The following PRKG1 variants were observed in gnomAD, a reference collection of about 807,000 sequenced individuals.
The protein encoded by PRKG1 is cGMP-dependent protein kinase 1.
Under a neutral mutation model 88.1 loss-of-function variants are expected in PRKG1, and 35 were observed. The ratio of observed to expected loss-of-function variants is 0.40; its 90% confidence interval spans 0.30 to 0.53. The LOEUF (loss-of-function observed/expected upper bound fraction) is 0.53, where lower values mean the gene tolerates loss of function less well. PRKG1 is among the 20% of genes least tolerant of loss of function. The pLI, the probability that PRKG1 is intolerant of heterozygous loss-of-function variation, is 0.59. For missense variants in PRKG1, 540 were observed against 839.8 expected (o/e 0.64, Z 4.41); for synonymous variants, 303 against 292.5 (o/e 1.04, Z -0.37).
intron 7 of PRKG1, among the ~76,000 whole-genome samples, chr10:52,103,532 T>C (rs10824038): frequency 0.059 from 8,974 of 152,232 alleles, 523 homozygotes; most frequent in East Asian, 0.36. Context: ...ATTTTTTCTC[T>C]AGCTTACTTT....
intron 3 of PRKG1, among the ~76,000 whole-genome samples, chr10:51,629,232 GTGT>G (rs1011939124): frequency 6.6e-6 from 1 of 152,086 alleles, no homozygotes; most frequent in Non-Finnish European, 1.5e-5. Context: ...CTCTAAAGCA[GTGT>G]TCCCCAACCT....
intron 2 of PRKG1, among the ~76,000 whole-genome samples, chr10:51,444,209 G>T (rs1336490879): frequency 6.6e-6 from 1 of 151,378 alleles, no homozygotes; most frequent in Non-Finnish European, 1.5e-5. Context: ...AAATGGGCAG[G>T]GTCTGGGAAA....
intron 5 of PRKG1, among the ~76,000 whole-genome samples, chr10:52,037,602 A>C (rs1484713145): frequency 2.2e-4 from 33 of 152,154 alleles, no homozygotes; most frequent in Non-Finnish European, 3.8e-4. Context: ...ACGCTATCTG[A>C]TTTGGGATAA....
At chr10:52,267,115 A>G (rs1179672294) in intron 10 of PRKG1, among the ~76,000 whole-genome samples, 1 of 152,134 alleles carries the variant, frequency 6.6e-6, no homozygotes, top group African/African-American at 2.4e-5. Flanking sequence ...TAATTTAGAC[A>G]ACAGGAAAAA....
chr10:51,071,995 G>A (rs1056363709), upstream of PRKG1, among the ~76,000 whole-genome samples: 1 of 152,106 alleles, frequency 6.6e-6, no homozygotes, highest in East Asian at 1.9e-4. Context: ...TCAAGAGATC[G>A]AGAACATCCT....
At chr10:52,258,702 C>T (rs1433644177) in intron 10 of PRKG1, among the ~76,000 whole-genome samples, 1 of 151,970 alleles carries the variant, frequency 6.6e-6, no homozygotes, top group Non-Finnish European at 1.5e-5. Flanking sequence ...TGATTCCTGC[C>T]CTCAAGGAAT....
intron 1 of PRKG1, among the ~76,000 whole-genome samples, chr10:51,137,775 A>C (rs1457646660): frequency 1.3e-5 from 2 of 152,222 alleles, no homozygotes; most frequent in African/African-American, 4.8e-5. Flanking sequence ...TGACAAGTTC[A>C]GAATGACAAG....
intron 1 of PRKG1, among the ~76,000 whole-genome samples, chr10:51,097,627 T>C (rs1177135674): frequency 1.3e-5 from 2 of 152,156 alleles, no homozygotes; most frequent in Non-Finnish European, 2.9e-5. Flanking sequence ...CTCCTTTCCG[T>C]AGGGTTTTTC....
intron 3 of PRKG1, among the ~76,000 whole-genome samples, chr10:51,735,260 T>C (rs1837235337): frequency 6.6e-6 from 1 of 152,176 alleles, no homozygotes; most frequent in Non-Finnish European, 1.5e-5. Flanking sequence ...GAAAATTCCT[T>C]GCGCAGAGTT....
chr10:51,616,186 C>A (rs981989223), intron 3 of PRKG1, among the ~76,000 whole-genome samples: 1 of 152,172 alleles, frequency 6.6e-6, no homozygotes, highest in Non-Finnish European at 1.5e-5. Flanking sequence ...GGCCTGCAGG[C>A]CCCACTGGTG....
intron 5 of PRKG1, among the ~76,000 whole-genome samples, chr10:52,034,364 G>C (rs1255057720): frequency 6.5e-5 from 8 of 122,360 alleles, no homozygotes. Flanking sequence ...CCTAGAGTGG[G>C]AGAGATTAAG....
intron 5 of PRKG1, among the ~76,000 whole-genome samples, chr10:52,028,943 A>G (rs1286734024): frequency 6.6e-6 from 1 of 152,188 alleles, no homozygotes; most frequent in Non-Finnish European, 1.5e-5. Flanking sequence ...TTAAAAAAAT[A>G]CTATTTCACA....
At chr10:51,822,186 A>G (rs2132730174) in intron 4 of PRKG1, among the ~76,000 whole-genome samples, 1 of 152,066 alleles carries the variant, frequency 6.6e-6, no homozygotes, top group Non-Finnish European at 1.5e-5. Flanking sequence ...ATGTGTGTGT[A>G]TATGGTGTGT....
chr10:51,984,423 T>G (rs577609345), intron 5 of PRKG1, among the ~76,000 whole-genome samples: 6 of 152,332 alleles, frequency 3.9e-5, no homozygotes, highest in Admixed American at 2.0e-4. Context: ...TTTGGGAGAT[T>G]CACATCGTTT....
chr10:51,483,009 CTTTTTTTTTTTT>C (rs149140774), intron 3 of PRKG1, among the ~76,000 whole-genome samples: 1 of 110,480 alleles, frequency 9.1e-6, no homozygotes, highest in Non-Finnish European at 1.8e-5. Flanking sequence ...TCTTTTCTTT[CTTTTTTTTTTTT>C]TTTTTTTTGA....
At chr10:51,184,345 C>T (rs117382412) in intron 2 of PRKG1, among the ~76,000 whole-genome samples, 6 of 152,304 alleles carry the variant, frequency 3.9e-5, no homozygotes, top group Non-Finnish European at 5.9e-5. Context: ...TATAATTTAA[C>T]AATTTGTTCT....
chr10:51,461,476 G>A (rs546712981), intron 2 of PRKG1, among the ~76,000 whole-genome samples: 2 of 152,204 alleles, frequency 1.3e-5, no homozygotes, highest in Admixed American at 6.5e-5. Context: ...AAGATACATA[G>A]CCAACTAGGA....
chr10:51,882,219 G>A (rs1303604414), intron 4 of PRKG1, among the ~76,000 whole-genome samples: 1 of 152,170 alleles, frequency 6.6e-6, no homozygotes, highest in Non-Finnish European at 1.5e-5. Flanking sequence ...ATTATTGTTA[G>A]AAGCTGAGAT....
intron 7 of PRKG1, among the ~76,000 whole-genome samples, chr10:52,086,059 A>T (rs1404649564): frequency 2.0e-5 from 3 of 151,788 alleles, no homozygotes; most frequent in Non-Finnish European, 4.4e-5. Flanking sequence ...AATATTGCTG[A>T]ATTCATATAT....
Sources: allele counts gnomAD v4.1 joint callset (sites outside exome capture counted in the v4.1 genomes callset), GRCh38; gene constraint gnomAD v4.1.1; transcripts MANE v1.5; gene names NCBI Gene and HGNC (gene_info 2026-07-23, HGNC 2026-07-21).